The following TTC29 variants were observed in gnomAD, a reference collection of about 807,000 sequenced individuals.
The protein encoded by TTC29 is tetratricopeptide repeat domain 29.
TTC29 carries 49 observed loss-of-function variants against 58.1 expected under a neutral mutation model. That is an observed-to-expected ratio of 0.84 (90% CI 0.67 to 1.07). TTC29 has a LOEUF of 1.07. TTC29 is among the 50% of genes least tolerant of loss of function. The probability of loss-of-function intolerance (pLI) is 0.00; values close to 1 mark genes in which losing one functional copy is unlikely to be tolerated. For synonymous variants in TTC29, 209 were observed against 196.8 expected, an observed-to-expected ratio of 1.06 and a Z score of -0.52; for missense variants, 582 against 555.6, an observed-to-expected ratio of 1.05 and a Z score of -0.48.
intron 6 of TTC29, among the ~76,000 whole-genome samples, chr4:146,892,054 G>C (rs566558353): frequency 6.6e-6 from 1 of 152,232 alleles, no homozygotes; most frequent in East Asian, 1.9e-4. Context: ...CAAATCTAAT[G>C]TCAAATTTTA....
At chr4:146,788,100 A>G (rs147056274) in intron 11 of TTC29, among the ~76,000 whole-genome samples, 12 of 152,300 alleles carry the variant, frequency 7.9e-5, no homozygotes, top group African/African-American at 2.6e-4. Flanking sequence ...TTCAGTACCT[A>G]CAAGTCATTA....
intron 3 of TTC29, 111 bp from the exon 4 acceptor site, chr4:146,937,788 G>A (rs1735977405): frequency 1.8e-6 from 1 of 566,506 alleles, no homozygotes; most frequent in Non-Finnish European, 3.0e-6. Flanking sequence ...AATACCATAT[G>A]TAATAAACGC....
intron 5 of TTC29, among the ~76,000 whole-genome samples, chr4:146,906,451 G>T (rs1733528186): frequency 6.6e-6 from 1 of 152,110 alleles, no homozygotes; most frequent in South Asian, 2.1e-4. Context: ...GCTATCTCAG[G>T]AAAATTGCCT....
At chr4:146,876,346 T>G (rs187526130) in intron 6 of TTC29, among the ~76,000 whole-genome samples, 6 of 152,320 alleles carry the variant, frequency 3.9e-5, no homozygotes, top group Admixed American at 3.9e-4. Context: ...TTATTAAGTA[T>G]AACTTACTCT....
intron 8 of TTC29, among the ~76,000 whole-genome samples, chr4:146,851,965 T>TC (rs2150184559): frequency 6.6e-6 from 1 of 152,334 alleles, no homozygotes; most frequent in East Asian, 1.9e-4. Flanking sequence ...AGACGGAGTC[T>TC]CACTCTGTCG....
intron 4 of TTC29, among the ~76,000 whole-genome samples, chr4:146,934,606 G>A (rs1286741793): frequency 1.3e-5 from 2 of 152,152 alleles, no homozygotes; most frequent in Non-Finnish European, 2.9e-5. Flanking sequence ...ACTGGGTCCA[G>A]GTTGAGAGTG....
intron 10 of TTC29, chr4:146,812,711 A>G (rs1256874003): frequency 6.6e-6 from 1 of 152,212 alleles, no homozygotes; most frequent in African/African-American, 2.4e-5. Context: ...ACTACTAAAG[A>G]AATAAAAAAT....
chr4:146,799,314 A>G (rs1362377448), intron 11 of TTC29, among the ~76,000 whole-genome samples: 2 of 152,178 alleles, frequency 1.3e-5, no homozygotes, highest in African/African-American at 4.8e-5. Flanking sequence ...TATTAAAGTT[A>G]ATAACCAACA....
intron 8 of TTC29, among the ~76,000 whole-genome samples, chr4:146,845,742 T>C (rs1005615328): frequency 6.6e-6 from 1 of 152,166 alleles, no homozygotes; most frequent in Non-Finnish European, 1.5e-5. Context: ...TCCAGGCCCT[T>C]GTTAATTGCA....
chr4:146,744,135 T>C (rs1205372665), intron 11 of TTC29, among the ~76,000 whole-genome samples: 2 of 152,178 alleles, frequency 1.3e-5, no homozygotes, highest in South Asian at 2.1e-4. Flanking sequence ...TATTCCAGTG[T>C]ATCTGGTTTT....
chr4:146,740,429 A>T (rs184454934), intron 11 of TTC29, among the ~76,000 whole-genome samples: 174 of 152,226 alleles, frequency 1.1e-3, no homozygotes, highest in Admixed American at 4.2e-3. Flanking sequence ...TCTTTTTTTT[A>T]AAATTTATTT....
At chr4:146,787,902 T>TC (rs895082958) in intron 11 of TTC29, among the ~76,000 whole-genome samples, 1 of 151,582 alleles carries the variant, frequency 6.6e-6, no homozygotes, top group African/African-American at 2.4e-5. Context: ...GCCCCCTTTT[T>TC]TTTTTATTTG....
intron 5 of TTC29, among the ~76,000 whole-genome samples, chr4:146,907,169 C>G (rs1338991854): frequency 6.6e-6 from 1 of 152,078 alleles, no homozygotes; most frequent in Non-Finnish European, 1.5e-5. Context: ...ATTGGAGAAA[C>G]ATTTTTACTT....
At chr4:146,899,053 AACCCT>A (rs1416390564) in intron 6 of TTC29, among the ~76,000 whole-genome samples, 1 of 152,174 alleles carries the variant, frequency 6.6e-6, no homozygotes, top group Non-Finnish European at 1.5e-5. Flanking sequence ...TGGTGTGGTA[AACCCT>A]ACTGCTAGTT....
chr4:146,769,444 A>C (rs879938524), intron 11 of TTC29, among the ~76,000 whole-genome samples: 2 of 152,044 alleles, frequency 1.3e-5, no homozygotes, highest in Non-Finnish European at 2.9e-5. Context: ...AAAATATGCT[A>C]GTGAAAGGTA....
intron 7 of TTC29, among the ~76,000 whole-genome samples, chr4:146,872,632 A>G (rs1428363570): frequency 6.6e-6 from 1 of 152,100 alleles, no homozygotes; most frequent in Non-Finnish European, 1.5e-5. Context: ...CACATGAAAA[A>G]AAATGCTCAA....
chr4:146,887,794 T>C (rs1732086293), intron 6 of TTC29, among the ~76,000 whole-genome samples: 1 of 152,130 alleles, frequency 6.6e-6, no homozygotes, highest in African/African-American at 2.4e-5. Context: ...CATCTCTTCT[T>C]GGACATCAAT....
intron 11 of TTC29, among the ~76,000 whole-genome samples, chr4:146,760,653 C>T (rs963634390): frequency 6.6e-6 from 1 of 151,412 alleles, no homozygotes; most frequent in African/African-American, 2.4e-5. Flanking sequence ...GCCAACTGAT[C>T]TTTGACAAAG....
intron 4 of TTC29, among the ~76,000 whole-genome samples, chr4:146,935,260 G>A (rs1735696812): frequency 6.6e-6 from 1 of 152,022 alleles, no homozygotes; most frequent in African/African-American, 2.4e-5. Flanking sequence ...ATATTTTGGG[G>A]TACATGATGA....
Sources: allele counts gnomAD v4.1 joint callset (sites outside exome capture counted in the v4.1 genomes callset), GRCh38; gene constraint gnomAD v4.1.1; transcripts MANE v1.5; gene names NCBI Gene and HGNC (gene_info 2026-07-23, HGNC 2026-07-21).